The following ROBO1 variants were observed in gnomAD, a reference collection of about 807,000 sequenced individuals.
The protein encoded by ROBO1 is roundabout homolog 1.
A neutral mutation model predicts 195.9 loss-of-function variants in ROBO1; 149 were observed. That is an observed-to-expected ratio of 0.76 (90% CI 0.67 to 0.87). The LOEUF is 0.87. ROBO1 is among the 40% of genes least tolerant of loss of function. The pLI is 0.00. For synonymous variants in ROBO1, 816 were observed against 733.2 expected, an observed-to-expected ratio of 1.11 and a Z score of -1.82; for missense variants, 1,933 against 2,068.3, an observed-to-expected ratio of 0.93 and a Z score of 1.27.
intron 2 of ROBO1, among the ~76,000 whole-genome samples, chr3:79,473,808 T>G (rs551274285): frequency 1.7e-4 from 26 of 152,206 alleles, no homozygotes; most frequent in African/African-American, 5.8e-4. Context: ...ATAAAAATCC[T>G]AGATAGTTGA....
At chr3:78,788,473 A>G (rs2083919790) in intron 4 of ROBO1, among the ~76,000 whole-genome samples, 1 of 132,446 alleles carries the variant, frequency 7.6e-6, no homozygotes, top group Non-Finnish European at 1.6e-5. Flanking sequence ...GATTCCACTT[A>G]GGACCTAGAA....
At chr3:79,063,169 A>G (rs2078949904) in intron 3 of ROBO1, among the ~76,000 whole-genome samples, 1 of 151,860 alleles carries the variant, frequency 6.6e-6, no homozygotes, top group Admixed American at 6.6e-5. Context: ...CTGTGTTCCC[A>G]TAACATTTTA....
intron 2 of ROBO1, among the ~76,000 whole-genome samples, chr3:79,484,096 A>G (rs879314866): frequency 1.3e-5 from 2 of 152,174 alleles, no homozygotes; most frequent in Non-Finnish European, 2.9e-5. Context: ...TAGAAACAGC[A>G]CTGACCTTGA....
At chr3:79,283,305 C>T (rs1168354812) in intron 2 of ROBO1, among the ~76,000 whole-genome samples, 1 of 152,050 alleles carries the variant, frequency 6.6e-6, no homozygotes, top group East Asian at 1.9e-4. Flanking sequence ...TCAGTCGTAC[C>T]CCAAACCTCA....
intron 1 of ROBO1, among the ~76,000 whole-genome samples, chr3:79,700,347 G>A (rs1278604243): frequency 2.7e-5 from 4 of 150,570 alleles, no homozygotes; most frequent in African/African-American, 9.7e-5. Context: ...GTGTGTGTGT[G>A]TCTTTCTGGG....
chr3:79,662,409 C>T (rs567604187), intron 1 of ROBO1, among the ~76,000 whole-genome samples: 14 of 152,056 alleles, frequency 9.2e-5, no homozygotes, highest in Non-Finnish European at 1.9e-4. Flanking sequence ...ATTAAACCCT[C>T]ATTCTTTGAC....
chr3:78,784,417 T>C (rs1275965762), intron 4 of ROBO1, among the ~76,000 whole-genome samples: 1 of 152,178 alleles, frequency 6.6e-6, no homozygotes, highest in Admixed American at 6.5e-5. Flanking sequence ...AGCACAGGCA[T>C]TGAGTTCCAT....
In ROBO1 at chr3:78,787,926, C is replaced by CTTTTTTTTT. The variant is rs71127358; in HGVS notation, c.500-41035_500-41027dup. On this transcript the variant is annotated intron_variant, in intron 4 of 30. Coordinates refer to ENST00000464233, the MANE Select transcript of ROBO1 (RefSeq NM_002941.4). ...CTGGCCACAGAGTTAGACCCCTTCTCTTTTTTTTTTTTTTTTTTTTTTTTT... is the reference window on the plus strand; with the variant it reads ...CTGGCCACAGAGTTAGACCCCTTCTCTTTTTTTTTTTTTTTTTTTTTTTTTTTTTTTTTT... Among the ~76,000 whole-genome samples the CTTTTTTTTT allele has an allele frequency of 1.6e-3, 118 of 71,718 alleles. 4 individuals carry two copies. Among genetic ancestry groups the CTTTTTTTTT allele is most frequent in the African/African-American group, 2.9e-3 (47 of 16,388 alleles). The allele number at this position is 71,718 out of a possible 152,430, so 47.0% of individuals were successfully genotyped here.
chr3:78,772,659 G>A (rs2083405979), intron 4 of ROBO1, among the ~76,000 whole-genome samples: 1 of 151,842 alleles, frequency 6.6e-6, no homozygotes, highest in Admixed American at 6.6e-5. Context: ...TGAGACAGTA[G>A]ACCCTATTTT....
At chr3:78,849,835 C>T (rs2033930390) in intron 4 of ROBO1, among the ~76,000 whole-genome samples, 1 of 137,490 alleles carries the variant, frequency 7.3e-6, no homozygotes, top group Admixed American at 7.1e-5. Context: ...TCCCATTACA[C>T]ACACACACAC....
chr3:79,436,452 T>C (rs186522101), intron 2 of ROBO1, among the ~76,000 whole-genome samples: 1 of 152,240 alleles, frequency 6.6e-6, no homozygotes, highest in East Asian at 1.9e-4. Flanking sequence ...CAGATAGTTT[T>C]AGTGTCTTCA....
intron 2 of ROBO1, among the ~76,000 whole-genome samples, chr3:79,245,104 T>C (rs1480605090): frequency 6.6e-6 from 1 of 152,106 alleles, no homozygotes. Context: ...ATATATGTTT[T>C]ATGTGTATAT....
At chr3:79,054,556 G>A (rs2078766862) in intron 3 of ROBO1, among the ~76,000 whole-genome samples, 1 of 152,066 alleles carries the variant, frequency 6.6e-6, no homozygotes, top group South Asian at 2.1e-4. Flanking sequence ...CTGTGGGCAT[G>A]GGCCATGAAG....
rs566383377 is a variant in ROBO1, at chr3:79,295,123, A to G, written c.89-169584T>C. ...GTATATACCCAAAGGAATATAAATC[A>G]TTCTACTATAAAGACACATGCATAT... On this transcript the variant is annotated intron_variant, in intron 2 of 30. Transcript: ENST00000464233. Among the ~76,000 whole-genome samples the G allele has an allele frequency of 2.6e-5, 4 of 152,300 alleles. No individual in the cohort carries two copies. The South Asian group carries it at 8.3e-4, about 32-fold the overall frequency.
intron 2 of ROBO1, among the ~76,000 whole-genome samples, chr3:79,532,481 C>A (rs1941698736): frequency 6.6e-6 from 1 of 151,988 alleles, no homozygotes; most frequent in African/African-American, 2.4e-5. Flanking sequence ...AAAAATAAGT[C>A]AAAAATGTAG....
intron 1 of ROBO1, among the ~76,000 whole-genome samples, chr3:79,713,118 G>A (rs1274703956): frequency 6.9e-6 from 1 of 144,294 alleles, no homozygotes; most frequent in African/African-American, 2.6e-5. Flanking sequence ...GAGACTTATT[G>A]CTTGGAAAGA....
intron 4 of ROBO1, among the ~76,000 whole-genome samples, chr3:78,883,958 A>C (rs1225557742): frequency 1.3e-5 from 2 of 152,162 alleles, no homozygotes; most frequent in Admixed American, 1.3e-4. Context: ...CATGTGCAAA[A>C]TCAGAGAGCC....
At chr3:79,379,901 C>T (rs957921600) in intron 2 of ROBO1, among the ~76,000 whole-genome samples, 1 of 152,142 alleles carries the variant, frequency 6.6e-6, no homozygotes, top group Admixed American at 6.5e-5. Context: ...AGCAAGCACT[C>T]AAGGTGATTT....
chr3:79,599,849 T>C (rs1944287473), intron 1 of ROBO1, among the ~76,000 whole-genome samples: 1 of 152,034 alleles, frequency 6.6e-6, no homozygotes, highest in African/African-American at 2.4e-5. Flanking sequence ...AAAGACATTT[T>C]AAAAAATGAT....
Sources: allele counts gnomAD v4.1 joint callset (sites outside exome capture counted in the v4.1 genomes callset), GRCh38; gene constraint gnomAD v4.1.1; transcripts MANE v1.5; gene names NCBI Gene and HGNC (gene_info 2026-07-23, HGNC 2026-07-21).